AARS1: variants seen among roughly 807,000 people sequenced by gnomAD.
AARS1 encodes alanine--tRNA ligase, cytoplasmic.
Under a neutral mutation model 108.9 loss-of-function variants are expected in AARS1, and 72 were observed. The ratio of observed to expected loss-of-function variants is 0.66; its 90% CI spans 0.55 to 0.80. The LOEUF (loss-of-function observed/expected upper bound fraction) is 0.80, where lower values mean the gene tolerates loss of function less well. AARS1 is among the 30% of genes least tolerant of loss of function. AARS1 has a pLI of 0.00. For missense variants in AARS1, 1,193 were observed against 1,233.2 expected, an observed-to-expected ratio of 0.97 and a Z score of 0.49; for synonymous variants, 489 against 465.7, an observed-to-expected ratio of 1.05 and a Z score of -0.64.
At position 70,255,854 on chromosome 16, in the gene AARS1, A is replaced by G; in HGVS notation, c.2178-18T>C. The G allele has an allele frequency of 6.2e-7, 1 of 1,607,704 alleles. No homozygotes were observed. Among genetic ancestry groups the G allele is most frequent in the Non-Finnish European group, 8.5e-7 (1 of 1,176,876 alleles). ...GCAGGTGCCTGAATGGCAGAACACA[A>G]AGTCCATAGTGAAAGAGGCCCTGGC... On this transcript the variant is annotated intron_variant, in intron 15 of 20. Transcript: ENST00000261772.
At position 70,268,388 on chromosome 16, in the gene AARS1, G is replaced by A. The variant is rs1282389074; in HGVS notation, c.963-9C>T. The A allele has an allele frequency of 1.2e-6, 2 of 1,613,216 alleles. No homozygotes were observed. Among genetic ancestry groups the A allele is most frequent in the African/African-American group, 1.3e-5 (1 of 74,916 alleles). On this transcript the variant is annotated splice_polypyrimidine_tract_variant and intron_variant, in intron 7 of 20. Transcript: ENST00000261772. ...TCCGTCTCAACACATATCTGTAAGA[G>A]GCAAAAACTAGTCCCCAACGTTCCC...
chr16:70,282,546 A>G, intron 2 of AARS1, 74 bp downstream of exon 2: 1 of 1,575,486 alleles, frequency 6.3e-7, no homozygotes, highest in African/African-American at 1.3e-5. Flanking sequence ...GTCTGACCCC[A>G]GGGCTGTGCT....
chr16:70,277,505 C>G (rs1256560099), intron 2 of AARS1, among the ~76,000 whole-genome samples: 1 of 152,190 alleles, frequency 6.6e-6, no homozygotes, highest in East Asian at 1.9e-4. Context: ...TCTGGAAGAA[C>G]TTATCCTGAA....
intron 1 of AARS1, among the ~76,000 whole-genome samples, chr16:70,285,729 A>G (rs1031204019): frequency 6.6e-6 from 1 of 152,182 alleles, no homozygotes; most frequent in South Asian, 2.1e-4. Flanking sequence ...GATTACAGGC[A>G]TGAGCCACCG....
At position 70,254,612 on chromosome 16, in the gene AARS1, C is replaced by A. The variant is rs778751578; in HGVS notation, c.2400+9G>T. On this transcript the variant is annotated intron_variant, in intron 17 of 20. Transcript: ENST00000261772. Reference sequence around the variant, plus strand: ...GCCCTGAGGACGGAGGGAGGGAAGCCGCCCCTACCTCTCCAAGGTCAGCGA... The same window carrying A: ...GCCCTGAGGACGGAGGGAGGGAAGCAGCCCCTACCTCTCCAAGGTCAGCGA... 1 of 1,602,314 alleles carries A rather than the reference C, an allele frequency of 6.2e-7. No individual in the cohort carries two copies. The highest frequency in any genetic ancestry group is 8.6e-7 in the Non-Finnish European group (1 of 1,169,424).
intron 16 of AARS1, 89 bp downstream of exon 16, chr16:70,255,639 C>CACGCAGAGCAGTGTTTGCTCTATGGAT (rs1418189141): frequency 8.5e-6 from 10 of 1,178,116 alleles, no homozygotes; most frequent in Non-Finnish European, 1.3e-5. Context: ...CTGCAGCAGC[C>CACGCAGAGCAGTGTTTGCTCTATGGAT]ACGCAGAGCA....
chr16:70,274,058 T>C (rs1290271406), intron 4 of AARS1, among the ~76,000 whole-genome samples: 4 of 149,242 alleles, frequency 2.7e-5, no homozygotes, highest in Non-Finnish European at 6.0e-5. Flanking sequence ...TTTTCCAGCT[T>C]GGTGTGGTGG....
intron 9 of AARS1, among the ~76,000 whole-genome samples, chr16:70,265,963 G>A (rs950722938): frequency 6.6e-6 from 1 of 152,092 alleles, no homozygotes. Flanking sequence ...CGGATCATGA[G>A]GTCAGGAGAT....
intron 15 of AARS1, among the ~76,000 whole-genome samples, chr16:70,256,301 GT>G (rs553644837): frequency 1.3e-5 from 2 of 151,882 alleles, no homozygotes; most frequent in Non-Finnish European, 2.9e-5. Flanking sequence ...AGATAGTATA[GT>G]TTTTTTTGTT....
In AARS1 at chr16:70,269,714, T is replaced by C; in HGVS notation, c.866A>G (p.Asp289Gly). 6.2e-7 allele frequency: 1 copy of C among 1,614,072 alleles called. No homozygotes were observed. Among genetic ancestry groups the C allele is most frequent in the Non-Finnish European group, 8.5e-7 (1 of 1,180,014 alleles). ...YTGKVGAEDA[D>G]GIDMAYRVLA... ...CACCCGGTAGGCCATGTCAATCCCA[T>C]CGGCATCCTCAGCACCAACTTTCCC... The change falls in exon 7 of 21, where the codon GAT (aspartate) becomes GGT (glycine). Residue 289 changes from aspartate to glycine, a missense_variant. Coordinates refer to ENST00000261772, the MANE Select transcript of AARS1 (RefSeq NM_001605.3).
At chr16:70,260,884 G>A (rs896111592) in intron 13 of AARS1, among the ~76,000 whole-genome samples, 160 bp downstream of exon 13, 1 of 151,966 alleles carries the variant, frequency 6.6e-6, no homozygotes, top group South Asian at 2.1e-4. Flanking sequence ...GGATGGTCTC[G>A]ATCTCCTGAC....
At chr16:70,254,088 G>A (rs749957123) in intron 17 of AARS1, 50 bp from the exon 18 acceptor site, 3 of 1,610,138 alleles carry the variant, frequency 1.9e-6, no homozygotes, top group East Asian at 2.2e-5. Context: ...TTGCTGGGAT[G>A]TCAGGGTCCA....
intron 5 of AARS1, among the ~76,000 whole-genome samples, chr16:70,270,624 G>A (rs1219192748): frequency 6.6e-6 from 1 of 151,634 alleles, no homozygotes; most frequent in East Asian, 1.9e-4. Flanking sequence ...GACCATCTGA[G>A]GTCAGGAGCT....
At chr16:70,281,071 C>G (rs1960685152) in intron 2 of AARS1, among the ~76,000 whole-genome samples, 1 of 152,176 alleles carries the variant, frequency 6.6e-6, no homozygotes, top group Admixed American at 6.6e-5. Context: ...TTCAAGTGAC[C>G]TATCTGCCTC....
At chr16:70,271,648 T>G in intron 5 of AARS1, 133 bp downstream of exon 5, 2 of 910,008 alleles carry the variant, frequency 2.2e-6, no homozygotes, top group East Asian at 5.2e-5. Context: ...GGCCCATCCT[T>G]GTTCCAGAGA....
chr16:70,282,831 C>T, intron 1 of AARS1, 47 bp from the exon 2 acceptor site: 1 of 1,574,920 alleles, frequency 6.3e-7, no homozygotes. Context: ...AATTGAAAGT[C>T]AAAGTACACA....
chr16:70,279,995 C>CA (rs1960655896), intron 2 of AARS1, among the ~76,000 whole-genome samples: 1 of 152,100 alleles, frequency 6.6e-6, no homozygotes, highest in South Asian at 2.1e-4. Flanking sequence ...GCAATACTCC[C>CA]ACCTCAGCCT....
intron 4 of AARS1, among the ~76,000 whole-genome samples, chr16:70,272,924 A>C (rs1960444489): frequency 6.6e-6 from 1 of 150,904 alleles, no homozygotes; most frequent in South Asian, 2.1e-4. Flanking sequence ...ACACACACAC[A>C]AAAGATTGTG....
rs571095888 is a variant in AARS1, at chr16:70,267,726, A to T, written c.1155T>A (p.Thr385=). ...INEEEVQFLK[T]LSRGRRILDR... is the part of the protein sequence containing the mutation. The stretch of plus-strand genomic sequence containing the variant: ...CCAGGATGCGACGCCCTCTGCTGAG[A>T]GTCTTGAGAAACTGCACCTCTTCTT... The change falls in exon 9 of 21, where the codon ACT becomes ACA. Residue 385 remains threonine, a synonymous_variant. Transcript: ENST00000261772. 6.2e-7 allele frequency: 1 copy of T among 1,614,116 alleles called. No individual in the cohort carries two copies. The highest frequency in any genetic ancestry group is 1.7e-5 in the Admixed American group (1 of 59,994).
Sources: allele counts gnomAD v4.1 joint callset (sites outside exome capture counted in the v4.1 genomes callset), GRCh38; gene constraint gnomAD v4.1.1; transcripts MANE v1.5; gene names NCBI Gene and HGNC (gene_info 2026-07-23, HGNC 2026-07-21).